SAMMSON: variants seen among roughly 807,000 people sequenced by gnomAD.
SAMMSON encodes survival associated mitochondrial melanoma specific oncogenic non-coding RNA, also known as long intergenic non-protein coding RNA 1212.
chr3:70,045,586 T>C (rs182585440), intron 3 of SAMMSON, among the ~76,000 whole-genome samples: 1 of 152,018 alleles, frequency 6.6e-6, no homozygotes, highest in Non-Finnish European at 1.5e-5. Flanking sequence ...ATATATTTGC[T>C]TCTTCCGCCC....
At chr3:70,188,980 A>T (rs1470525067) in intron 4 of SAMMSON, among the ~76,000 whole-genome samples, 1 of 152,182 alleles carries the variant, frequency 6.6e-6, no homozygotes, top group Admixed American at 6.5e-5. Flanking sequence ...CTAATGGTTC[A>T]AACACCCCAA....
At chr3:70,288,487 T>A (rs551817669) in intron 6 of SAMMSON, among the ~76,000 whole-genome samples, 1 of 151,302 alleles carries the variant, frequency 6.6e-6, no homozygotes, top group African/African-American at 2.4e-5. Flanking sequence ...AAGTATGTGG[T>A]CAATTTTGGA....
intron 9 of SAMMSON, among the ~76,000 whole-genome samples, chr3:70,375,013 C>T (rs1367768008): frequency 3.3e-5 from 5 of 152,180 alleles, no homozygotes; most frequent in Admixed American, 1.3e-4. Context: ...ACCCATGGAA[C>T]TCACAGGGCC....
intron 4 of SAMMSON, among the ~76,000 whole-genome samples, chr3:70,164,092 AT>A (rs1018906744): frequency 2.8e-4 from 43 of 152,198 alleles, no homozygotes; most frequent in African/African-American, 1.0e-3. Context: ...GTGCTGATGG[AT>A]TTAGGTTCAT....
chr3:70,198,435 T>C lies in SAMMSON; in HGVS notation n.508-50672T>C, dbSNP rs534250104. 7.2e-5 allele frequency among the ~76,000 whole-genome samples: 11 copies of C among 152,312 alleles called. 1 individual carries two copies. In the South Asian group the frequency reaches 2.3e-3, roughly 32 times the overall value. The stretch of plus-strand genomic sequence containing the variant: ...AAGCTCTTTTCTTTCATTATTCATA[T>C]AATAGTCTTTAAGTGAAAGAAAAAT... On this transcript the variant is annotated intron_variant and non_coding_transcript_variant, in intron 4 of 9. Coordinates refer to ENST00000642114, the Ensembl canonical transcript of SAMMSON.
chr3:70,294,513 GA>G (rs1702271538), intron 7 of SAMMSON, among the ~76,000 whole-genome samples: 1 of 151,898 alleles, frequency 6.6e-6, no homozygotes, highest in South Asian at 2.1e-4. Flanking sequence ...TGACTATGAG[GA>G]AAAAAGTAAA....
chr3:70,433,939 G>A (rs891202647), intron 2 of SAMMSON, among the ~76,000 whole-genome samples: 3 of 152,138 alleles, frequency 2.0e-5, no homozygotes, highest in Non-Finnish European at 2.9e-5. Context: ...CTTTGTCAAA[G>A]ATCGGTTGAC....
At chr3:70,004,149 G>C (rs1297818350) in intron 1 of SAMMSON, among the ~76,000 whole-genome samples, 1 of 152,060 alleles carries the variant, frequency 6.6e-6, no homozygotes, top group Non-Finnish European at 1.5e-5. Context: ...CACACACACA[G>C]ACACAAGACA....
chr3:70,255,027 C>A (rs540699384), intron 6 of SAMMSON, among the ~76,000 whole-genome samples: 1 of 151,800 alleles, frequency 6.6e-6, no homozygotes, highest in Non-Finnish European at 1.5e-5. Context: ...TACAACAATA[C>A]TTTTTGAAAT....
chr3:70,287,158 A>G, intron 6 of SAMMSON, among the ~76,000 whole-genome samples: 1 of 137,068 alleles, frequency 7.3e-6, no homozygotes, highest in Non-Finnish European at 1.6e-5. Flanking sequence ...GAATGCTTCC[A>G]GTTTTTGCCC....
At chr3:70,359,416 T>A (rs1236263154) in intron 9 of SAMMSON, among the ~76,000 whole-genome samples, 1 of 152,140 alleles carries the variant, frequency 6.6e-6, no homozygotes, top group Non-Finnish European at 1.5e-5. Context: ...CTGAAAACAA[T>A]TGACTATTAC....
intron 2 of SAMMSON, among the ~76,000 whole-genome samples, chr3:70,409,572 G>C (rs535760429): frequency 6.6e-6 from 1 of 152,098 alleles, no homozygotes; most frequent in African/African-American, 2.4e-5. Flanking sequence ...TAATTATAAG[G>C]CCTTATCCAT....
chr3:70,171,378 A>C (rs1282703969), intron 4 of SAMMSON, among the ~76,000 whole-genome samples: 1 of 151,888 alleles, frequency 6.6e-6, no homozygotes, highest in East Asian at 1.9e-4. Flanking sequence ...GCTTAACTTC[A>C]TTGCCATATA....
At chr3:70,271,068 G>A (rs7650362) in intron 6 of SAMMSON, among the ~76,000 whole-genome samples, 3,041 of 152,072 alleles carry the variant, frequency 0.02, 116 homozygotes, top group African/African-American at 0.07. Context: ...AAAAAAAACA[G>A]TAAATTAAAT....
chr3:70,025,633 C>A (rs890772785), intron 3 of SAMMSON, among the ~76,000 whole-genome samples: 1 of 152,120 alleles, frequency 6.6e-6, no homozygotes. Context: ...AAGATGAAGA[C>A]CCTTGAACAA....
At chr3:70,232,718 CAAT>C (rs763190174) in intron 4 of SAMMSON, among the ~76,000 whole-genome samples, 1 of 152,006 alleles carries the variant, frequency 6.6e-6, no homozygotes, top group Admixed American at 6.6e-5. Flanking sequence ...TAATTAGTCA[CAAT>C]AATAATGTAA....
At chr3:70,259,559 A>G (rs1300260271) in intron 6 of SAMMSON, among the ~76,000 whole-genome samples, 1 of 152,038 alleles carries the variant, frequency 6.6e-6, no homozygotes, top group Non-Finnish European at 1.5e-5. Flanking sequence ...TTTCTGGATT[A>G]CCCCTCTGTG....
chr3:70,132,020 C>G (rs2067484912), intron 4 of SAMMSON, among the ~76,000 whole-genome samples: 1 of 152,070 alleles, frequency 6.6e-6, no homozygotes, highest in Admixed American at 6.6e-5. Flanking sequence ...GCCAAGGGGA[C>G]CCTAGAGAAA....
At chr3:70,101,102 C>A (rs1382834412) in intron 4 of SAMMSON, among the ~76,000 whole-genome samples, 3 of 152,108 alleles carry the variant, frequency 2.0e-5, no homozygotes, top group Admixed American at 6.6e-5. Flanking sequence ...AGGGAAAATG[C>A]ACAAGATGGT....
Sources: gnomAD v4.1 joint callset for allele counts (sites outside exome capture counted in the v4.1 genomes callset) on GRCh38, gnomAD v4.1.1 for gene constraint, MANE v1.5 for transcripts, NCBI Gene and HGNC (gene_info 2026-07-23, HGNC 2026-07-21) for gene names.